SMOC2: variants seen among roughly 807,000 people sequenced by gnomAD.
SMOC2 encodes SPARC related modular calcium binding 2.
In SMOC2, 39 loss-of-function variants were observed where a neutral mutation model predicts 61.4. The ratio of observed to expected loss-of-function variants is 0.64; its 90% CI spans 0.49 to 0.83. The LOEUF (loss-of-function observed/expected upper bound fraction) is 0.83. Ranked by LOEUF, SMOC2 falls within the 40% of genes least tolerant of loss-of-function variation. The pLI, the probability that SMOC2 is intolerant of heterozygous loss-of-function variation, is 0.00. For synonymous variants in SMOC2, 247 were observed against 239.9 expected, an observed-to-expected ratio of 1.03 and a Z score of -0.27; for missense variants, 556 against 592.9, an observed-to-expected ratio of 0.94 and a Z score of 0.65.
intron 9 of SMOC2, among the ~76,000 whole-genome samples, chr6:168,613,644 C>G (rs561414078): frequency 2.3e-4 from 35 of 150,830 alleles, no homozygotes; most frequent in African/African-American, 8.1e-4. Context: ...TTCACACCTA[C>G]AGCCAGCACA....
chr6:168,492,322 AC>A (rs1782488117), intron 1 of SMOC2, among the ~76,000 whole-genome samples: 1 of 152,242 alleles, frequency 6.6e-6, no homozygotes, highest in Admixed American at 6.5e-5. Flanking sequence ...TCCACAAGAC[AC>A]CCACCTACCT....
chr6:168,615,810 C>T (rs1268879615), intron 9 of SMOC2, among the ~76,000 whole-genome samples: 1 of 152,216 alleles, frequency 6.6e-6, no homozygotes, highest in African/African-American at 2.4e-5. Flanking sequence ...CAATTGCTGG[C>T]ATAATTATCG....
intron 1 of SMOC2, among the ~76,000 whole-genome samples, chr6:168,497,612 C>T (rs960641066): frequency 3.9e-5 from 6 of 152,130 alleles, no homozygotes; most frequent in Non-Finnish European, 8.8e-5. Context: ...GAGGCCTGCC[C>T]CCGGAACGTA....
chr6:168,517,673 C>T (rs1783176594), intron 2 of SMOC2, among the ~76,000 whole-genome samples: 1 of 152,234 alleles, frequency 6.6e-6, no homozygotes, highest in East Asian at 1.9e-4. Flanking sequence ...TTCCTGAGAG[C>T]ACGGCAATGG....
chr6:168,658,895 TATGTGTG>T (rs1787395568), intron 11 of SMOC2, among the ~76,000 whole-genome samples: 1 of 151,342 alleles, frequency 6.6e-6, no homozygotes, highest in Admixed American at 6.6e-5. Context: ...GGAGTATGTG[TATGTGTG>T]GTGTGTGTGG....
At chr6:168,599,558 C>G (rs1462380615) in intron 8 of SMOC2, among the ~76,000 whole-genome samples, 1 of 114,964 alleles carries the variant, frequency 8.7e-6, no homozygotes. Flanking sequence ...ACTCATACCC[C>G]CATACACACC....
At chr6:168,580,698 C>T (rs188825180) in intron 7 of SMOC2, among the ~76,000 whole-genome samples, 1 of 152,244 alleles carries the variant, frequency 6.6e-6, no homozygotes, top group African/African-American at 2.4e-5. Context: ...CAGATCACCA[C>T]ATCTGGCTGA....
chr6:168,648,951 C>A (rs1441659941), intron 9 of SMOC2, among the ~76,000 whole-genome samples: 2 of 152,184 alleles, frequency 1.3e-5, no homozygotes, highest in Non-Finnish European at 2.9e-5. Flanking sequence ...CCACATGGTC[C>A]ACGCCAACGT....
intron 4 of SMOC2, among the ~76,000 whole-genome samples, chr6:168,531,341 G>T (rs1334893650): frequency 6.6e-6 from 1 of 152,188 alleles, no homozygotes. Context: ...TTCTGTATGG[G>T]TGTCAATATT....
intron 2 of SMOC2, among the ~76,000 whole-genome samples, chr6:168,519,086 T>C (rs1783253653): frequency 6.6e-6 from 1 of 150,658 alleles, no homozygotes; most frequent in African/African-American, 2.4e-5. Context: ...TATGCGTGCA[T>C]GTGTGAACAT....
chr6:168,570,588 G>A (rs1784642841), intron 7 of SMOC2, among the ~76,000 whole-genome samples: 1 of 152,156 alleles, frequency 6.6e-6, no homozygotes, highest in South Asian at 2.1e-4. Flanking sequence ...AAGCAAATCG[G>A]AGGCACTGAA....
chr6:168,665,897 C>G (rs1583199470), intron 12 of SMOC2, among the ~76,000 whole-genome samples: 2 of 151,118 alleles, frequency 1.3e-5, no homozygotes. Context: ...TCTAGGAGAT[C>G]ATATATTGCT....
chr6:168,471,975 G>C (rs1781975284), intron 1 of SMOC2, among the ~76,000 whole-genome samples: 1 of 152,192 alleles, frequency 6.6e-6, no homozygotes, highest in South Asian at 2.1e-4. Flanking sequence ...TGATTTGCAA[G>C]TATTTTCTCC....
At chr6:168,521,799 C>T (rs1008353748) in intron 2 of SMOC2, among the ~76,000 whole-genome samples, 7 of 152,150 alleles carry the variant, frequency 4.6e-5, no homozygotes, top group Non-Finnish European at 1.0e-4. Context: ...TCCTTGAGCT[C>T]AGGAGGTTGA....
At chr6:168,522,741 GACAT>G (rs1167304365) in intron 2 of SMOC2, among the ~76,000 whole-genome samples, 2 of 152,104 alleles carry the variant, frequency 1.3e-5, no homozygotes, top group African/African-American at 4.8e-5. Context: ...CTCTGGTGTA[GACAT>G]ACATCAGCAT....
chr6:168,526,880 G>A (rs570827357), intron 3 of SMOC2, among the ~76,000 whole-genome samples: 28 of 152,258 alleles, frequency 1.8e-4, no homozygotes, highest in South Asian at 1.0e-3. Flanking sequence ...CCAACCTGAT[G>A]GGCCCACAGA....
chr6:168,549,207 A>G lies in SMOC2; in HGVS notation c.637+4A>G, dbSNP rs1290619361. On this transcript the variant is annotated splice_donor_region_variant and intron_variant, in intron 7 of 12. Transcript: ENST00000356284. ...AACAAAACCAATAAGAATTCAGGTA[A>G]GATGCTGCCTGATGTCACTTTGTAA... The G allele has an allele frequency of 7.4e-6, 12 of 1,612,808 alleles. No homozygotes were observed. Among genetic ancestry groups the G allele is most frequent in the Middle Eastern group, 1.6e-4 (1 of 6,076 alleles).
At chr6:168,460,776 A>G (rs1781704426) in intron 1 of SMOC2, among the ~76,000 whole-genome samples, 1 of 152,234 alleles carries the variant, frequency 6.6e-6, no homozygotes, top group African/African-American at 2.4e-5. Flanking sequence ...TGAAGAACTC[A>G]TTTTGGTGGA....
chr6:168,523,968 A>G (rs1783396569), intron 2 of SMOC2, among the ~76,000 whole-genome samples: 1 of 152,230 alleles, frequency 6.6e-6, no homozygotes, highest in African/African-American at 2.4e-5. Flanking sequence ...GAAAGTTGGA[A>G]ATAGTATAAT....
Sources: allele counts gnomAD v4.1 joint callset (sites outside exome capture counted in the v4.1 genomes callset), GRCh38; gene constraint gnomAD v4.1.1; transcripts MANE v1.5; gene names NCBI Gene and HGNC (gene_info 2026-07-23, HGNC 2026-07-21).